CNTNAP2: variants seen among roughly 807,000 people sequenced by gnomAD.
CNTNAP2 encodes contactin associated protein 2, also known as contactin-associated protein-like 2.
Under a neutral mutation model 155.2 loss-of-function variants are expected in CNTNAP2, and 98 were observed. The observed-to-expected ratio is 0.63, with a 90% CI of 0.54 to 0.75. The LOEUF (loss-of-function observed/expected upper bound fraction) is 0.75. Among genes scored for constraint, CNTNAP2 ranks in the 30% least tolerant of loss-of-function variants. CNTNAP2 has a pLI of 0.00. For synonymous variants in CNTNAP2, 651 were observed against 631.2 expected (o/e 1.03, Z -0.47); for missense variants, 1,727 against 1,688.1 (o/e 1.02, Z -0.40).
At position 146,552,073 on chromosome 7, in the gene CNTNAP2, C is replaced by T. The variant is rs370553543; in HGVS notation, c.98-222198C>T. 6.6e-5 allele frequency among the ~76,000 whole-genome samples: 10 copies of T among 152,144 alleles called. No homozygotes were observed. In the East Asian group the frequency reaches 1.5e-3, roughly 24 times the overall value. ...TGGGCTCATGAAGGGTCCTATAATACTCTGTGGAATTCACACCATTCTAAC... is the reference window on the plus strand; with the variant it reads ...TGGGCTCATGAAGGGTCCTATAATATTCTGTGGAATTCACACCATTCTAAC... On this transcript the variant is annotated intron_variant, in intron 1 of 23. Transcript: ENST00000361727.
chr7:147,300,758 C>T (rs959560989), intron 9 of CNTNAP2, among the ~76,000 whole-genome samples: 6 of 152,072 alleles, frequency 3.9e-5, no homozygotes, highest in African/African-American at 9.7e-5. Flanking sequence ...TTGGAAGCCT[C>T]GTCTGCTTCC....
chr7:147,446,418 G>T (rs1019623492), intron 10 of CNTNAP2, among the ~76,000 whole-genome samples: 3 of 152,112 alleles, frequency 2.0e-5, no homozygotes, highest in Non-Finnish European at 2.9e-5. Flanking sequence ...GTGGTTGCTG[G>T]TTTGAAACAA....
chr7:147,376,255 T>C (rs1269747915), intron 9 of CNTNAP2, among the ~76,000 whole-genome samples: 1 of 151,674 alleles, frequency 6.6e-6, no homozygotes, highest in Non-Finnish European at 1.5e-5. Context: ...GTTCAGAGAG[T>C]TTATGGCAGA....
intron 1 of CNTNAP2, among the ~76,000 whole-genome samples, chr7:146,726,192 C>T (rs1801428419): frequency 6.6e-6 from 1 of 152,080 alleles, no homozygotes; most frequent in Admixed American, 6.5e-5. Flanking sequence ...CAAAGGTTTT[C>T]TTTCAAAAAG....
intron 10 of CNTNAP2, among the ~76,000 whole-genome samples, chr7:147,410,647 T>G (rs1382412519): frequency 1.3e-5 from 2 of 152,194 alleles, no homozygotes. Context: ...CTGCAGCCAC[T>G]AGCCATATGT....
rs1322462436 is a variant in CNTNAP2 at position 147,007,487 on chromosome 7, A to C, written c.403-36420A>C. Reference sequence around the variant, plus strand: ...ACTTGTCATGAAATTTTAAAAAATAAGAAAAAAGCCACCTTTTGTATAATT... The same window carrying C: ...ACTTGTCATGAAATTTTAAAAAATACGAAAAAAGCCACCTTTTGTATAATT... On this transcript the variant is annotated intron_variant, in intron 3 of 23. Transcript: ENST00000361727. Among the ~76,000 whole-genome samples, 6 of 152,280 alleles carry C rather than the reference A, an allele frequency of 3.9e-5. 1 individual carries two copies. Among genetic ancestry groups the C allele is most frequent in the Admixed American group, 3.9e-4 (6 of 15,272 alleles).
intron 18 of CNTNAP2, among the ~76,000 whole-genome samples, chr7:148,214,498 G>T (rs2116751977): frequency 6.6e-6 from 1 of 152,350 alleles, no homozygotes; most frequent in South Asian, 2.1e-4. Flanking sequence ...CATGGATTAA[G>T]TAGCTGTTCA....
At chr7:146,673,078 G>C (rs1800336815) in intron 1 of CNTNAP2, among the ~76,000 whole-genome samples, 1 of 151,946 alleles carries the variant, frequency 6.6e-6, no homozygotes, top group South Asian at 2.1e-4. Flanking sequence ...TTTTAAGATA[G>C]TAGTTTTTCT....
chr7:147,372,906 G>A (rs1437409758), intron 9 of CNTNAP2, among the ~76,000 whole-genome samples: 1 of 151,836 alleles, frequency 6.6e-6, no homozygotes, highest in Non-Finnish European at 1.5e-5. Context: ...CTGCTTAACT[G>A]GGCCATATCC....
rs546437998 is a variant in CNTNAP2, at chr7:147,827,453, C to CA, written c.2099-76104dup. On this transcript the variant is annotated intron_variant, in intron 13 of 23. Transcript: ENST00000361727. ...GTAAAGTGCTTAACATAGCACATAA[C>CA]AAAAAAAATTGTTGAGTAAACGAAT... Among the ~76,000 whole-genome samples the CA allele has an allele frequency of 9.7e-4, 148 of 151,822 alleles. 1 individual carries two copies. The highest frequency in any genetic ancestry group is 4.3e-3 in the Admixed American group (65 of 15,244).
chr7:146,680,843 G>C (rs1032268938), intron 1 of CNTNAP2, among the ~76,000 whole-genome samples: 1 of 152,294 alleles, frequency 6.6e-6, no homozygotes, highest in African/African-American at 2.4e-5. Context: ...AGTGACACAA[G>C]CAAAGGCATT....
At chr7:146,958,656 G>T (rs541163661) in intron 3 of CNTNAP2, among the ~76,000 whole-genome samples, 1 of 151,734 alleles carries the variant, frequency 6.6e-6, no homozygotes, top group South Asian at 2.1e-4. Flanking sequence ...CTCGTGATCC[G>T]CCTGCCTCGG....
intron 8 of CNTNAP2, among the ~76,000 whole-genome samples, chr7:147,274,326 A>G (rs1804842682): frequency 6.6e-6 from 1 of 151,990 alleles, no homozygotes; most frequent in South Asian, 2.1e-4. Context: ...GATGTTTTTG[A>G]CTTTTTAGTA....
intron 13 of CNTNAP2, among the ~76,000 whole-genome samples, chr7:147,890,201 C>A (rs1799667176): frequency 1.3e-5 from 2 of 152,046 alleles, no homozygotes; most frequent in South Asian, 4.2e-4. Flanking sequence ...TAATAATAAT[C>A]AAAATTAGTG....
At chr7:147,873,914 G>T (rs751614747) in intron 13 of CNTNAP2, among the ~76,000 whole-genome samples, 16 of 152,096 alleles carry the variant, frequency 1.1e-4, no homozygotes, top group Non-Finnish European at 2.4e-4. Flanking sequence ...GGGGCTACAG[G>T]CTCCATGCAA....
At chr7:147,202,181 T>G (rs1802935416) in intron 8 of CNTNAP2, among the ~76,000 whole-genome samples, 1 of 150,496 alleles carries the variant, frequency 6.6e-6, no homozygotes, top group Admixed American at 6.6e-5. Context: ...TTAATTCTCA[T>G]AAAAGACAGT....
chr7:146,974,043 T>C (rs1053636333), intron 3 of CNTNAP2, among the ~76,000 whole-genome samples: 5 of 152,174 alleles, frequency 3.3e-5, no homozygotes, highest in Admixed American at 1.3e-4. Context: ...GGAGATAGAT[T>C]CTCACTTTTA....
intron 9 of CNTNAP2, among the ~76,000 whole-genome samples, chr7:147,359,727 C>T (rs1321568532): frequency 6.6e-6 from 1 of 152,116 alleles, no homozygotes; most frequent in Non-Finnish European, 1.5e-5. Flanking sequence ...CACATGGCCA[C>T]TTGTCTCCTC....
chr7:147,322,180 A>G (rs2692145), intron 9 of CNTNAP2, among the ~76,000 whole-genome samples: 80,033 of 151,968 alleles, frequency 0.53, 21,893 homozygotes, highest in East Asian at 0.73. Context: ...CTCCCCTGAA[A>G]TCTCATACAA....
Sources: gnomAD v4.1 joint callset for allele counts (sites outside exome capture counted in the v4.1 genomes callset) on GRCh38, gnomAD v4.1.1 for gene constraint, MANE v1.5 for transcripts, NCBI Gene and HGNC (gene_info 2026-07-23, HGNC 2026-07-21) for gene names.